The following RNF38 variants were observed in gnomAD, a reference collection of about 807,000 sequenced individuals.
The protein encoded by RNF38 is E3 ubiquitin-protein ligase RNF38.
Under a neutral mutation model 67.2 loss-of-function variants are expected in RNF38, and 15 were observed. The ratio of observed to expected loss-of-function variants is 0.22; its 90% CI spans 0.15 to 0.34. The LOEUF is 0.34. Among genes scored for constraint, RNF38 ranks in the 10% least tolerant of loss-of-function variants. The probability of loss-of-function intolerance (pLI) is 1.00; values close to 1 mark genes in which losing one functional copy is unlikely to be tolerated. For synonymous variants in RNF38, 220 were observed against 218.8 expected, an observed-to-expected ratio of 1.01 and a Z score of -0.05; for missense variants, 524 against 639.9, an observed-to-expected ratio of 0.82 and a Z score of 1.95.
intron 1 of RNF38, among the ~76,000 whole-genome samples, chr9:36,466,528 T>C (rs563012569): frequency 5.9e-5 from 9 of 152,340 alleles, no homozygotes; most frequent in Admixed American, 5.9e-4. Flanking sequence ...CACACTATGA[T>C]GATTCATTGA....
intron 1 of RNF38, among the ~76,000 whole-genome samples, chr9:36,444,809 G>C (rs1839265889): frequency 6.6e-6 from 1 of 151,486 alleles, no homozygotes; most frequent in South Asian, 2.1e-4. Context: ...CTCAAAAAAA[G>C]ATTTGAATAA....
At chr9:36,420,571 T>G (rs1471592413) in intron 2 of RNF38, among the ~76,000 whole-genome samples, 1 of 144,738 alleles carries the variant, frequency 6.9e-6, no homozygotes, top group Non-Finnish European at 1.5e-5. Flanking sequence ...TCCCAGTACT[T>G]CTATGCCCCC....
chr9:36,364,515 A>T (rs1834802259), intron 4 of RNF38, among the ~76,000 whole-genome samples: 1 of 152,194 alleles, frequency 6.6e-6, no homozygotes, highest in African/African-American at 2.4e-5. Context: ...CCACTGTTGT[A>T]TATGTGGTCT....
chr9:36,400,978 G>A (rs1009110958), upstream of RNF38: 2 of 983,804 alleles, frequency 2.0e-6, no homozygotes, highest in African/African-American at 1.8e-5. Flanking sequence ...ATGCGCCGGC[G>A]CACTGGCCTC....
At chr9:36,482,048 C>CTTTTTTTTT (rs767211095) in intron 1 of RNF38, among the ~76,000 whole-genome samples, 4 of 119,308 alleles carry the variant, frequency 3.4e-5, no homozygotes, top group South Asian at 2.6e-4. Flanking sequence ...ATACTTTTGT[C>CTTTTTTTTT]TTTTTTTTTT....
intron 1 of RNF38, 107 bp from the exon 2 acceptor site, chr9:36,390,723 T>C (rs2134017142): frequency 8.9e-7 from 1 of 1,123,188 alleles, no homozygotes; most frequent in East Asian, 2.5e-5. Flanking sequence ...ATGATTCTGC[T>C]AGCGAAGACA....
At chr9:36,459,329 C>T (rs1435119890) in intron 1 of RNF38, among the ~76,000 whole-genome samples, 1 of 152,108 alleles carries the variant, frequency 6.6e-6, no homozygotes, top group African/African-American at 2.4e-5. Flanking sequence ...AAAAACACTC[C>T]CTGAAATTAC....
Position 36,344,840 on chromosome 9 carries a change from T to C in RNF38, c.1377A>G (p.Glu459=). The C allele has an allele frequency of 6.2e-7, 1 of 1,613,760 alleles. No homozygotes were observed. The highest frequency in any genetic ancestry group is 8.5e-7 in the Non-Finnish European group (1 of 1,179,714). The part of the protein sequence containing the change: ...YRFNPNNHQS[E]QTLCVVCMCD... ...CAGAAAAATTTACTTACAAAGTCTG[T>C]TCTGACTGGTGGTTGTTAGGATTGA... is the stretch of plus-strand genomic sequence containing the variant. The change falls in exon 10 of 12, where the codon GAA becomes GAG. Residue 459 remains glutamate, a synonymous_variant. Coordinates refer to ENST00000259605, the MANE Select transcript of RNF38 (RefSeq NM_022781.5).
chr9:36,339,829 G>C lies in RNF38; in HGVS notation c.1486-15C>G, dbSNP rs371083999. ...GTACGATTTGCCTACAAAACAAAAA[G>C]GAAAACTTGTTTAAATTGTGACACA... On this transcript the variant is annotated splice_polypyrimidine_tract_variant and intron_variant, in intron 11 of 11. Coordinates refer to ENST00000259605, the MANE Select transcript of RNF38 (RefSeq NM_022781.5). The C allele has an allele frequency of 1.2e-6, 2 of 1,605,886 alleles. No individual in the cohort carries two copies. The highest frequency in any genetic ancestry group is 2.7e-5 in the African/African-American group (2 of 74,686).
At chr9:36,342,568 A>G (rs1373990063) in intron 10 of RNF38, 144 bp from the exon 11 acceptor site, 1 of 613,506 alleles carries the variant, frequency 1.6e-6, no homozygotes, top group East Asian at 2.8e-5. Context: ...ACCCTGAAAA[A>G]ATTGTGATGT....
At chr9:36,351,072 G>T in intron 9 of RNF38, 43 bp downstream of exon 9, 2 of 1,354,014 alleles carry the variant, frequency 1.5e-6, no homozygotes, top group Non-Finnish European at 2.1e-6. Flanking sequence ...ATACTTTCAT[G>T]CACACAATAT....
At position 36,428,137 on chromosome 9, in the gene RNF38, C is replaced by A. The variant is rs1193588148; in HGVS notation, n.242-3454G>T. On this transcript the variant is annotated intron_variant and non_coding_transcript_variant, in intron 1 of 3. Transcript: ENST00000488058. ...CTTATACTACAATAAAAAAATGAGG[C>A]CAGGCGCGGTGGCTCATGCCTGTAA... is the stretch of plus-strand genomic sequence containing the variant. Among the ~76,000 whole-genome samples, 5 of 151,984 alleles carry A rather than the reference C, an allele frequency of 3.3e-5. No homozygotes were observed. In the East Asian group the frequency reaches 7.8e-4, roughly 24 times the overall value.
At chr9:36,387,919 C>G (rs1013617116) in intron 2 of RNF38, among the ~76,000 whole-genome samples, 6 of 151,646 alleles carry the variant, frequency 4.0e-5, no homozygotes, top group African/African-American at 1.5e-4. Flanking sequence ...ACCCAAATGT[C>G]AAGCAAAAAG....
At chr9:36,472,338 G>A (rs907344926) in intron 1 of RNF38, among the ~76,000 whole-genome samples, 1 of 152,180 alleles carries the variant, frequency 6.6e-6, no homozygotes, top group African/African-American at 2.4e-5. Context: ...GAAAGGCAGA[G>A]AATTCATTTT....
chr9:36,370,993 A>C (rs1474906213), intron 3 of RNF38, among the ~76,000 whole-genome samples: 2 of 152,158 alleles, frequency 1.3e-5, no homozygotes, highest in Admixed American at 6.5e-5. Flanking sequence ...TAGTTTAATA[A>C]AAATTTTATT....
intron 2 of RNF38, among the ~76,000 whole-genome samples, chr9:36,421,529 A>T (rs1030916978): frequency 6.6e-6 from 1 of 152,002 alleles, no homozygotes; most frequent in Non-Finnish European, 1.5e-5. Flanking sequence ...CGGGCGTGGT[A>T]GCGGATGCCT....
Position 36,344,842 on chromosome 9 carries a change from C to G in RNF38, c.1375G>C (p.Glu459Gln). The G allele has an allele frequency of 6.2e-7, 1 of 1,613,650 alleles. No individual in the cohort carries two copies. The highest frequency in any genetic ancestry group is 8.5e-7 in the Non-Finnish European group (1 of 1,179,660). Residue 459 changes from glutamate to glutamine, a missense_variant, in exon 10 of 12, where the codon GAA becomes CAA. By Grantham distance (29) the Glu-to-Gln change is conservative. This residue lies in a region of RNF38 where 63 missense variants were observed against 122.5 expected (regional missense o/e 0.51). Coordinates refer to ENST00000259605, the MANE Select transcript of RNF38 (RefSeq NM_022781.5). ...GAAAAATTTACTTACAAAGTCTGTTCTGACTGGTGGTTGTTAGGATTGAAC... is the reference window on the plus strand; with the variant it reads ...GAAAAATTTACTTACAAAGTCTGTTGTGACTGGTGGTTGTTAGGATTGAAC... Reference protein sequence around the residue: ...YRFNPNNHQSEQTLCVVCMCD... With the variant: ...YRFNPNNHQSQQTLCVVCMCD...
At chr9:36,473,876 A>G (rs1185812103) in intron 1 of RNF38, among the ~76,000 whole-genome samples, 1 of 150,206 alleles carries the variant, frequency 6.7e-6, no homozygotes, top group Non-Finnish European at 1.5e-5. Flanking sequence ...AATCCCAGCT[A>G]CTCAGGAGGC....
At chr9:36,473,756 G>A (rs1266509875) in intron 1 of RNF38, among the ~76,000 whole-genome samples, 1 of 151,532 alleles carries the variant, frequency 6.6e-6, no homozygotes, top group Non-Finnish European at 1.5e-5. Flanking sequence ...GGAGGCTGAG[G>A]CAGGTGGATC....
Sources: gnomAD v4.1 joint callset for allele counts (sites outside exome capture counted in the v4.1 genomes callset) on GRCh38, gnomAD v4.1.1 for gene constraint, gnomAD v4.1.1 regional missense constraint, MANE v1.5 for transcripts, NCBI Gene and HGNC (gene_info 2026-07-23, HGNC 2026-07-21) for gene names.